SPATA17: variants seen among roughly 807,000 people sequenced by gnomAD.
SPATA17 encodes spermatogenesis-associated protein 17.
A neutral mutation model predicts 62.2 loss-of-function variants in SPATA17; 53 were observed. The ratio of observed to expected loss-of-function variants is 0.85; its 90% CI spans 0.68 to 1.07. The LOEUF (loss-of-function observed/expected upper bound fraction) is 1.07, where lower values mean the gene tolerates loss of function less well. SPATA17 is among the 50% of genes least tolerant of loss of function. The pLI is 0.00. For missense variants in SPATA17, 466 were observed against 425.5 expected, an observed-to-expected ratio of 1.10 and a Z score of -0.84; for synonymous variants, 146 against 146.8, an observed-to-expected ratio of 0.99 and a Z score of 0.04.
chr1:217,656,838 G>C (rs1290296305), intron 3 of SPATA17, among the ~76,000 whole-genome samples: 1 of 152,070 alleles, frequency 6.6e-6, no homozygotes. Context: ...CTTCCTCAAG[G>C]ACACACTGCT....
chr1:217,808,440 C>T (rs1272357077), intron 9 of SPATA17, among the ~76,000 whole-genome samples: 1 of 151,950 alleles, frequency 6.6e-6, no homozygotes, highest in Non-Finnish European at 1.5e-5. Context: ...ATTGGGGCCA[C>T]TGGAAAGGGT....
chr1:217,687,028 C>G, intron 5 of SPATA17, among the ~76,000 whole-genome samples: 1 of 152,220 alleles, frequency 6.6e-6, no homozygotes, highest in South Asian at 2.1e-4. Flanking sequence ...TGCATGATAG[C>G]TTTTAAATAT....
chr1:217,646,650 A>C (rs939134293), intron 1 of SPATA17, among the ~76,000 whole-genome samples: 10 of 152,202 alleles, frequency 6.6e-5, no homozygotes, highest in Middle Eastern at 3.4e-3. Context: ...TAATCCCAGC[A>C]CTTTGGGAGG....
intron 8 of SPATA17, among the ~76,000 whole-genome samples, chr1:217,793,067 GA>G (rs1453855554): frequency 2.6e-5 from 4 of 152,226 alleles, no homozygotes; most frequent in African/African-American, 9.6e-5. Flanking sequence ...TTCAGTTAAA[GA>G]AAGATATTGT....
intron 8 of SPATA17, among the ~76,000 whole-genome samples, chr1:217,784,454 A>G (rs1673806216): frequency 6.6e-6 from 1 of 152,138 alleles, no homozygotes; most frequent in South Asian, 2.1e-4. Flanking sequence ...AGTGTGTTAT[A>G]GTAGAAGTAG....
intron 8 of SPATA17, among the ~76,000 whole-genome samples, chr1:217,795,705 A>C (rs1255658254): frequency 6.6e-6 from 1 of 152,028 alleles, no homozygotes; most frequent in Non-Finnish European, 1.5e-5. Context: ...CAAATGGCCT[A>C]GTTGGCCATG....
intron 4 of SPATA17, among the ~76,000 whole-genome samples, chr1:217,678,501 C>T (rs1349276043): frequency 2.0e-5 from 3 of 151,660 alleles, no homozygotes; most frequent in South Asian, 2.1e-4. Flanking sequence ...AGCCACCGCT[C>T]CTGGCCCCAT....
intron 1 of SPATA17, among the ~76,000 whole-genome samples, chr1:217,632,374 G>A (rs1318949876): frequency 6.6e-6 from 1 of 152,032 alleles, no homozygotes; most frequent in African/African-American, 2.4e-5. Context: ...ATTGCCCCAG[G>A]AGTTTTTGTA....
intron 8 of SPATA17, among the ~76,000 whole-genome samples, chr1:217,788,894 T>A (rs906355731): frequency 8.5e-5 from 13 of 152,154 alleles, no homozygotes; most frequent in African/African-American, 2.7e-4. Context: ...TTCCTAAAGG[T>A]TTTCAAATCA....
At chr1:217,800,597 C>G (rs1674286554) in intron 8 of SPATA17, among the ~76,000 whole-genome samples, 1 of 152,096 alleles carries the variant, frequency 6.6e-6, no homozygotes, top group African/African-American at 2.4e-5. Flanking sequence ...CTGTTTTCAG[C>G]TTCATTCCTT....
intron 1 of SPATA17, among the ~76,000 whole-genome samples, chr1:217,632,421 T>TA (rs1470124292): frequency 8.5e-5 from 13 of 152,172 alleles, no homozygotes; most frequent in Non-Finnish European, 1.6e-4. Context: ...ATTAGACTAT[T>TA]ATGGAATACA....
At chr1:217,845,231 C>G (rs1042528524) in intron 9 of SPATA17, among the ~76,000 whole-genome samples, 1 of 151,980 alleles carries the variant, frequency 6.6e-6, no homozygotes, top group Non-Finnish European at 1.5e-5. Context: ...ACATGTGGAC[C>G]AATTTTTCTT....
chr1:217,849,705 C>T (rs1675604948), intron 9 of SPATA17, among the ~76,000 whole-genome samples: 1 of 152,016 alleles, frequency 6.6e-6, no homozygotes, highest in Admixed American at 6.6e-5. Context: ...CCCATCCACC[C>T]AAATCCCCCA....
rs546218412 is a variant in SPATA17, at chr1:217,867,297, T to C, written c.*278T>C. On this transcript the variant is annotated 3_prime_UTR_variant, in exon 11 of 11. Transcript: ENST00000366933. ...CCAACAGTGCCATAAATGGTTCCCC[T>C]GAAATACCCATATTCTGACCCCATC... 6.6e-6 allele frequency: 1 copy of C among 152,268 alleles called. No individual in the cohort carries two copies. The highest frequency in any genetic ancestry group is 2.4e-5 in the African/African-American group (1 of 41,576). 9.4% of individuals were successfully genotyped at this position (152,268 alleles called of 1,614,324 possible).
intron 5 of SPATA17, among the ~76,000 whole-genome samples, chr1:217,718,688 G>GGAA (rs751507282): frequency 1.3e-5 from 2 of 151,876 alleles, no homozygotes; most frequent in East Asian, 1.9e-4. Context: ...GTGAGAAGTA[G>GGAA]GAAGAAGAAG....
rs1322090719 is a variant in SPATA17, at chr1:217,868,602, A to G, written c.*1583A>G. The G allele has an allele frequency of 1.3e-5, 2 of 150,118 alleles. No homozygotes were observed. Among genetic ancestry groups the G allele is most frequent in the African/African-American group, 4.9e-5 (2 of 41,010 alleles). The allele number at this position is 150,118 out of a possible 1,614,324, so 9.3% of individuals were successfully genotyped here. A position where few individuals can be genotyped will look rare whatever the true frequency, so the allele number is the denominator to read the frequency against. The stretch of plus-strand genomic sequence containing the variant: ...TAAAAGTGAAAAACTGAATAGTTGT[A>G]TGCATACTCAAAGTATGGTTTCTAC... On this transcript the variant is annotated 3_prime_UTR_variant, in exon 11 of 11. Coordinates refer to ENST00000366933, the MANE Select transcript of SPATA17 (RefSeq NM_138796.4).
chr1:217,863,835 G>C (rs11117954), intron 10 of SPATA17, among the ~76,000 whole-genome samples: 38,918 of 152,020 alleles, frequency 0.26, 6,411 homozygotes, highest in East Asian at 0.58. Context: ...GATCACTGCA[G>C]TTGGAGGAAA....
chr1:217,835,162 G>T (rs139014049), intron 9 of SPATA17, among the ~76,000 whole-genome samples: 2 of 152,188 alleles, frequency 1.3e-5, no homozygotes, highest in African/African-American at 4.8e-5. Context: ...TATCCCTGTT[G>T]TTAAGGACCA....
At position 217,701,828 on chromosome 1, in the gene SPATA17, A is replaced by G. The variant is rs941645322; in HGVS notation, c.395+18467A>G. Among the ~76,000 whole-genome samples the G allele has an allele frequency of 2.6e-5, 4 of 151,926 alleles. No homozygotes were observed. In the East Asian group the frequency reaches 7.7e-4, roughly 29 times the overall value. On this transcript the variant is annotated intron_variant, in intron 5 of 10. Transcript: ENST00000366933. ...GTTTCATCTTGGTCACTTTTCTTAA[A>G]TCTGCTCTCAATGTGCTTTTCTGTG...
Sources: allele counts gnomAD v4.1 joint callset (sites outside exome capture counted in the v4.1 genomes callset), GRCh38; gene constraint gnomAD v4.1.1; transcripts MANE v1.5; gene names NCBI Gene and HGNC (gene_info 2026-07-23, HGNC 2026-07-21).